LIFR: variants seen among roughly 807,000 people sequenced by gnomAD.
LIFR encodes LIF receptor subunit alpha.
LIFR carries 84 observed loss-of-function variants against 122.2 expected under a neutral mutation model. That is an observed-to-expected ratio of 0.69 (90% confidence interval 0.58 to 0.82). LIFR has a LOEUF of 0.82. Among genes scored for constraint, LIFR ranks in the 40% least tolerant of loss-of-function variants. LIFR has a pLI of 0.00. For synonymous variants in LIFR, 422 were observed against 434.7 expected (o/e 0.97, Z 0.36); for missense variants, 1,294 against 1,311.6 (o/e 0.99, Z 0.21).
In LIFR at chr5:38,510,535, G is replaced by C. The variant is rs1745740503; in HGVS notation, c.920C>G (p.Ser307Cys). 2 of 1,613,790 alleles carry C rather than the reference G, an allele frequency of 1.2e-6. No homozygotes were observed. The highest frequency in any genetic ancestry group is 1.7e-6 in the Non-Finnish European group (2 of 1,179,918). The change falls in exon 7 of 20, where the codon TCT becomes TGT. Residue 307 changes from serine to cysteine, a missense_variant. Ser to Cys is a moderately radical substitution (Grantham distance 112). Coordinates refer to ENST00000453190, the MANE Select transcript of LIFR (RefSeq NM_001127671.2). Reference protein sequence around the residue: ...VAIKIRNISVSASSGTNVVFT... With the variant: ...VAIKIRNISVCASSGTNVVFT... Reference sequence around the variant, plus strand: ...AACTACATTTGTTCCACTACTTGCAGAAACAGAAATATTACGAATCTTGAT... The same window carrying C: ...AACTACATTTGTTCCACTACTTGCACAAACAGAAATATTACGAATCTTGAT...
At chr5:38,570,645 A>G (rs1488220646) in intron 1 of LIFR, among the ~76,000 whole-genome samples, 1 of 152,248 alleles carries the variant, frequency 6.6e-6, no homozygotes, top group African/African-American at 2.4e-5. Context: ...GAGTTCACCT[A>G]TCGCAGGAGA....
intron 5 of LIFR, 26 bp downstream of exon 5, chr5:38,523,393 G>C: frequency 1.3e-6 from 2 of 1,586,002 alleles, no homozygotes; most frequent in Non-Finnish European, 1.7e-6. Context: ...TAATGTCATA[G>C]GAAGAAAATC....
At chr5:38,546,834 C>G (rs1030659913) in intron 1 of LIFR, among the ~76,000 whole-genome samples, 1 of 152,222 alleles carries the variant, frequency 6.6e-6, no homozygotes, top group African/African-American at 2.4e-5. Flanking sequence ...GTGGAATGTA[C>G]TGAGTTCAGC....
chr5:38,497,528 A>T (rs75458196), intron 12 of LIFR, among the ~76,000 whole-genome samples: 4,967 of 152,330 alleles, frequency 0.033, 246 homozygotes, highest in African/African-American at 0.11. Context: ...AAAACATTTT[A>T]AAAAATAGCA....
At chr5:38,491,726 A>G (rs1744603788) in intron 14 of LIFR, among the ~76,000 whole-genome samples, 1 of 152,254 alleles carries the variant, frequency 6.6e-6, no homozygotes, top group African/African-American at 2.4e-5. Context: ...CTTGTCTAAA[A>G]TATTAACTTT....
At chr5:38,526,441 GTA>G (rs749550234) in intron 4 of LIFR, among the ~76,000 whole-genome samples, 6,861 of 134,466 alleles carry the variant, frequency 0.051, 175 homozygotes, top group Middle Eastern at 0.12. Context: ...GTGTGTGTGT[GTA>G]TATATATATA....
At chr5:38,602,438 T>C (rs868286969) in intron 2 of LIFR, among the ~76,000 whole-genome samples, 21 of 152,292 alleles carry the variant, frequency 1.4e-4, no homozygotes, top group Middle Eastern at 3.4e-3. Flanking sequence ...TTTATTCTGG[T>C]GGATTAAGTC....
At chr5:38,555,875 C>G (rs1748498437) in intron 1 of LIFR, among the ~76,000 whole-genome samples, 1 of 152,136 alleles carries the variant, frequency 6.6e-6, no homozygotes. Flanking sequence ...TGACCTCCAA[C>G]ACTTTAACTT....
chr5:38,502,924 C>T (rs925707357), intron 10 of LIFR, 125 bp from the exon 11 acceptor site: 6 of 463,592 alleles, frequency 1.3e-5, no homozygotes, highest in East Asian at 3.7e-5. Context: ...CACAAACCAA[C>T]GGAATGTCAA....
In LIFR at chr5:38,527,184, C is replaced by T. The variant is rs548919656; in HGVS notation, c.368G>A (p.Ser123Asn). Reference sequence around the variant, plus strand: ...GTTTTGTTCATTTAGTGTGAATTTACTTGTAGAACTTCCAAAATCATGTAG... The same window carrying T: ...GTTTTGTTCATTTAGTGTGAATTTATTTGTAGAACTTCCAAAATCATGTAG... ...NSLHDFGSST[S>N]KFTLNEQNVS... is the part of the protein sequence containing the mutation. Residue 123 changes from serine to asparagine, a missense_variant, in exon 4 of 20, where the codon AGT (serine) becomes AAT (asparagine). Transcript: ENST00000453190. The T allele has an allele frequency of 2.5e-6, 4 of 1,592,184 alleles. No homozygotes were observed. In the East Asian group the frequency reaches 9.0e-5, roughly 36 times the overall value.
At chr5:38,512,177 TA>T (rs1375899361) in intron 5 of LIFR, among the ~76,000 whole-genome samples, 15 of 152,184 alleles carry the variant, frequency 9.9e-5, no homozygotes, top group African/African-American at 3.4e-4. Context: ...CCTAATGTAT[TA>T]TATAAGATGT....
At position 38,479,127 on chromosome 5, in the gene LIFR, T is replaced by C. The variant is rs574188956; in HGVS notation, c.*2468A>G. On this transcript the variant is annotated 3_prime_UTR_variant, in exon 20 of 20. Transcript: ENST00000453190. ...TTGTTACTCTCCCTACACACACAGGTTGGGGGGAGTAGAGGTAATATCCTG... is the reference window on the plus strand; with the variant it reads ...TTGTTACTCTCCCTACACACACAGGCTGGGGGGAGTAGAGGTAATATCCTG... The C allele has an allele frequency of 6.6e-4, 152 of 231,416 alleles. 1 individual carries two copies. Among genetic ancestry groups the C allele is most frequent in the African/African-American group, 3.1e-3 (140 of 45,204 alleles). 14.3% of individuals were successfully genotyped at this position (231,416 alleles called of 1,614,324 possible).
chr5:38,527,121 T>A (rs1746729545), intron 4 of LIFR, 34 bp downstream of exon 4: 1 of 1,552,340 alleles, frequency 6.4e-7, no homozygotes, highest in Admixed American at 1.8e-5. Flanking sequence ...ACACTTGACT[T>A]ACTTTAAAAT....
upstream of LIFR, chr5:38,559,116 C>T (rs945508288): frequency 7.9e-5 from 12 of 152,196 alleles, no homozygotes; most frequent in African/African-American, 2.4e-4. Flanking sequence ...AGAAGATGCC[C>T]GAAAGTTTAT....
At chr5:38,503,375 T>TG (rs1263530788) in intron 10 of LIFR, among the ~76,000 whole-genome samples, 1 of 152,198 alleles carries the variant, frequency 6.6e-6, no homozygotes, top group African/African-American at 2.4e-5. Context: ...TTTGAATATC[T>TG]GCCTGTTTCA....
At chr5:38,518,788 CAGA>C (rs1746242469) in intron 5 of LIFR, among the ~76,000 whole-genome samples, 1 of 152,030 alleles carries the variant, frequency 6.6e-6, no homozygotes, top group South Asian at 2.1e-4. Flanking sequence ...GGAGGTATTC[CAGA>C]AGAAGGCATG....
chr5:38,587,149 C>T (rs1749775743), intron 1 of LIFR, among the ~76,000 whole-genome samples: 1 of 151,992 alleles, frequency 6.6e-6, no homozygotes, highest in African/African-American at 2.4e-5. Flanking sequence ...AAAAGTAGAC[C>T]TCCTGCCCCT....
chr5:38,501,674 G>A (rs1745186122), intron 11 of LIFR, among the ~76,000 whole-genome samples: 2 of 151,986 alleles, frequency 1.3e-5, no homozygotes, highest in Admixed American at 1.3e-4. Flanking sequence ...CCGGGAGGCG[G>A]ACATTGCAGT....
chr5:38,581,377 G>A (rs529503258), intron 1 of LIFR, among the ~76,000 whole-genome samples: 64 of 152,072 alleles, frequency 4.2e-4, no homozygotes, highest in African/African-American at 1.3e-3. Flanking sequence ...TTCTCTAAAC[G>A]CGGAGTCTAC....
Sources: allele counts gnomAD v4.1 joint callset (sites outside exome capture counted in the v4.1 genomes callset), GRCh38; gene constraint gnomAD v4.1.1; transcripts MANE v1.5; gene names NCBI Gene and HGNC (gene_info 2026-07-23, HGNC 2026-07-21).